Variants in AXDND1 observed in about 807,000 individuals in gnomAD.
The protein encoded by AXDND1 is axonemal dynein light chain domain containing 1, also known as axonemal dynein light chain domain-containing protein 1.
A neutral mutation model predicts 137.5 loss-of-function variants in AXDND1; 110 were observed. The ratio of observed to expected loss-of-function variants is 0.80; its 90% CI spans 0.69 to 0.94. The LOEUF is 0.94. Among genes scored for constraint, AXDND1 ranks in the 40% least tolerant of loss-of-function variants. AXDND1 has a pLI of 0.00. For missense variants in AXDND1, 1,191 were observed against 1,169.8 expected (o/e 1.02, Z -0.26); for synonymous variants, 414 against 399.7 (o/e 1.04, Z -0.43).
intron 21 of AXDND1, among the ~76,000 whole-genome samples, chr1:179,515,758 A>G (rs1669479038): frequency 6.6e-6 from 1 of 152,208 alleles, no homozygotes; most frequent in South Asian, 2.1e-4. Flanking sequence ...GTTAAAGTAC[A>G]AATGAGGGTT....
intron 25 of AXDND1, among the ~76,000 whole-genome samples, chr1:179,540,609 C>T (rs1254015137): frequency 6.6e-6 from 1 of 152,180 alleles, no homozygotes; most frequent in Non-Finnish European, 1.5e-5. Context: ...CCAGTGCTCT[C>T]CTGTATGAGG....
chr1:179,405,618 G>A (rs1652838122), intron 11 of AXDND1, among the ~76,000 whole-genome samples: 1 of 152,066 alleles, frequency 6.6e-6, no homozygotes, highest in Non-Finnish European at 1.5e-5. Flanking sequence ...GGTTTTATGT[G>A]TTCAGGAGTA....
rs111454672 is a variant in AXDND1, at chr1:179,373,273, T to G, written c.374+3195T>G. ...ACCTAGGAATCCAACTTACAAGGAA[T>G]GTGAAGGACCTCTTCAAGGAGAACT... On this transcript the variant is annotated intron_variant, in intron 4 of 25. Coordinates refer to ENST00000367618, the MANE Select transcript of AXDND1 (RefSeq NM_144696.6). Among the ~76,000 whole-genome samples, 612 of 152,250 alleles carry G rather than the reference T, an allele frequency of 4.0e-3. 2 individuals are homozygous for G. Among genetic ancestry groups the G allele is most frequent in the African/African-American group, 0.014 (575 of 41,546 alleles).
chr1:179,496,710 G>T (rs976385558), intron 20 of AXDND1, among the ~76,000 whole-genome samples: 1 of 151,800 alleles, frequency 6.6e-6, no homozygotes, highest in Non-Finnish European at 1.5e-5. Context: ...TTCCAGTCTA[G>T]TCTTTATTGT....
chr1:179,421,550 ATTT>A (rs943912825), intron 12 of AXDND1, among the ~76,000 whole-genome samples: 7 of 149,668 alleles, frequency 4.7e-5, no homozygotes, highest in Non-Finnish European at 1.0e-4. Context: ...TGCCTGGCTA[ATTT>A]TTGTATTTTT....
intron 16 of AXDND1, among the ~76,000 whole-genome samples, chr1:179,465,155 C>T (rs781328564): frequency 6.6e-5 from 10 of 152,154 alleles, no homozygotes; most frequent in African/African-American, 1.4e-4. Flanking sequence ...AGGTTTGTTC[C>T]GTTGCTGTTG....
intron 21 of AXDND1, among the ~76,000 whole-genome samples, chr1:179,517,727 A>C (rs909321406): frequency 6.6e-6 from 1 of 152,236 alleles, no homozygotes; most frequent in Non-Finnish European, 1.5e-5. Flanking sequence ...CAGTTTCCCC[A>C]GTGGGGGTGT....
chr1:179,408,524 G>A (rs1421333167), intron 11 of AXDND1, among the ~76,000 whole-genome samples: 1 of 152,062 alleles, frequency 6.6e-6, no homozygotes, highest in African/African-American at 2.4e-5. Context: ...CTACAGGCAT[G>A]CACATGCCAT....
chr1:179,397,306 T>C (rs1357478197), intron 11 of AXDND1, among the ~76,000 whole-genome samples: 2 of 152,220 alleles, frequency 1.3e-5, no homozygotes, highest in Non-Finnish European at 2.9e-5. Flanking sequence ...ATGTTGAATA[T>C]TGGCTTCCAA....
At chr1:179,548,605 C>G (rs1395157714) in intron 25 of AXDND1, 3 of 152,172 alleles carry the variant, frequency 2.0e-5, no homozygotes, top group Admixed American at 2.0e-4. Context: ...TTATTGGAAC[C>G]TCATAATTCC....
intron 21 of AXDND1, among the ~76,000 whole-genome samples, chr1:179,521,895 T>A (rs1359053800): frequency 6.6e-6 from 1 of 152,100 alleles, no homozygotes; most frequent in African/African-American, 2.4e-5. Flanking sequence ...CAGCTGTCAG[T>A]TCCTTTGAAG....
At position 179,393,982 on chromosome 1, in the gene AXDND1, A is replaced by T. The variant is rs1316799000; in HGVS notation, c.943A>T (p.Met315Leu). 5 of 1,611,746 alleles carry T rather than the reference A, an allele frequency of 3.1e-6. No homozygotes were observed. Among genetic ancestry groups the T allele is most frequent in the Non-Finnish European group, 4.2e-6 (5 of 1,179,224 alleles). The change falls in exon 10 of 26, where the codon ATG becomes TTG. Residue 315 changes from methionine to leucine, a missense_variant. Coordinates refer to ENST00000367618, the MANE Select transcript of AXDND1 (RefSeq NM_144696.6). ...FYKDLVTQRV[M>L]DQRILEELYN... ...CAAAGACTTGGTAACTCAGCGAGTG[A>T]TGGACCAGCGCATTTTAGAAGAATT...
At chr1:179,454,549 A>G (rs1230229841) in intron 16 of AXDND1, 1 of 152,294 alleles carries the variant, frequency 6.6e-6, no homozygotes, top group African/African-American at 2.4e-5. Context: ...AAGAAAAATA[A>G]GAGATTTAAA....
chr1:179,466,347 A>G (rs1663198489), intron 16 of AXDND1, among the ~76,000 whole-genome samples: 1 of 125,364 alleles, frequency 8.0e-6, no homozygotes, highest in South Asian at 2.5e-4. Flanking sequence ...CTTGGTCTTG[A>G]ACTCCTAAGC....
intron 20 of AXDND1, among the ~76,000 whole-genome samples, chr1:179,499,868 C>G (rs1430294683): frequency 6.6e-6 from 1 of 151,738 alleles, no homozygotes; most frequent in Admixed American, 6.6e-5. Context: ...TAAATATAAC[C>G]CAGAAGACTT....
chr1:179,393,938 G>A lies in AXDND1; in HGVS notation c.899G>A (p.Arg300Gln), dbSNP rs778985705. The A allele has an allele frequency of 1.4e-5, 23 of 1,611,636 alleles. No individual in the cohort carries two copies. Among genetic ancestry groups the A allele is most frequent in the African/African-American group, 2.7e-5 (2 of 74,704 alleles). The change falls in exon 10 of 26, where the codon CGG (arginine) becomes CAG (glutamine). Residue 300 changes from arginine (R) to glutamine (Q), a missense_variant. Arg to Gln is a conservative substitution (Grantham distance 43, BLOSUM62 1). Transcript: ENST00000367618. The part of the protein sequence containing the change: ...RYVQMLDQIA[R>Q]QMIDFYKDLV... Reference sequence around the variant, plus strand: ...GTGCAAATGCTTGACCAGATTGCTCGGCAGATGATTGATTTCTACAAAGAC... The same window carrying A: ...GTGCAAATGCTTGACCAGATTGCTCAGCAGATGATTGATTTCTACAAAGAC...
At chr1:179,463,582 G>T (rs1448664111) in intron 16 of AXDND1, among the ~76,000 whole-genome samples, 1 of 152,200 alleles carries the variant, frequency 6.6e-6, no homozygotes, top group Non-Finnish European at 1.5e-5. Flanking sequence ...ATGCTAAGAA[G>T]AATGTATATT....
At chr1:179,412,645 C>T (rs1372889030) in intron 12 of AXDND1, among the ~76,000 whole-genome samples, 1 of 152,020 alleles carries the variant, frequency 6.6e-6, no homozygotes, top group African/African-American at 2.4e-5. Flanking sequence ...TTACTGGGGA[C>T]ATGCTAGAGG....
chr1:179,370,697 A>G (rs923231237), intron 4 of AXDND1, among the ~76,000 whole-genome samples: 4 of 152,188 alleles, frequency 2.6e-5, no homozygotes, highest in East Asian at 1.9e-4. Flanking sequence ...CCACTTATCA[A>G]TTTACTCCAT....
Sources: gnomAD v4.1 joint callset for allele counts (sites outside exome capture counted in the v4.1 genomes callset) on GRCh38, gnomAD v4.1.1 for gene constraint, MANE v1.5 for transcripts, NCBI Gene and HGNC (gene_info 2026-07-23, HGNC 2026-07-21) for gene names.